The following RUFY3 variants were observed in gnomAD, a reference collection of about 807,000 sequenced individuals.
RUFY3 encodes the protein RUN and FYVE domain containing 3, also known as protein RUFY3.
A neutral mutation model predicts 84.0 loss-of-function variants in RUFY3; 34 were observed. The observed-to-expected ratio is 0.40, with a 90% CI of 0.31 to 0.54. The LOEUF is 0.54. Among genes scored for constraint, RUFY3 ranks in the 20% least tolerant of loss-of-function variants. The probability of loss-of-function intolerance (pLI) is 0.39; values close to 1 mark genes in which losing one functional copy is unlikely to be tolerated. For missense variants in RUFY3, 507 were observed against 736.8 expected, an observed-to-expected ratio of 0.69 and a Z score of 3.61; for synonymous variants, 242 against 252.9, an observed-to-expected ratio of 0.96 and a Z score of 0.41.
intron 17 of RUFY3, among the ~76,000 whole-genome samples, chr4:70,805,978 C>G (rs1192995339): frequency 1.3e-5 from 2 of 152,078 alleles, no homozygotes; most frequent in Non-Finnish European, 2.9e-5. Flanking sequence ...AAATAATTTC[C>G]CTATGAACAA....
intron 1 of RUFY3, among the ~76,000 whole-genome samples, chr4:70,714,366 C>T (rs1230450222): frequency 6.6e-6 from 1 of 152,172 alleles, no homozygotes; most frequent in Non-Finnish European, 1.5e-5. Flanking sequence ...ATGTAAAAAA[C>T]GCTGAATAGG....
At chr4:70,731,040 C>CTT (rs1321175989) in intron 1 of RUFY3, among the ~76,000 whole-genome samples, 45 of 141,474 alleles carry the variant, frequency 3.2e-4, no homozygotes, top group East Asian at 1.5e-3. Flanking sequence ...TGATTGCCAT[C>CTT]TTTTTTTTTT....
In RUFY3 at chr4:70,807,247, A is replaced by AAT. The variant is rs1395547457; in HGVS notation, c.*591_*592dup. 6.6e-6 allele frequency: 1 copy of AAT among 152,226 alleles called. No homozygotes were observed. The highest frequency in any genetic ancestry group is 1.5e-5 in the Non-Finnish European group (1 of 68,052). The allele number at this position is 152,226 out of a possible 1,614,324, so 9.4% of individuals were successfully genotyped here. ...CTGCATATATTAAAAACAATATTGT[A>AAT]ATATGTTATAATTTCAGGACCAGAA... On this transcript the variant is annotated 3_prime_UTR_variant, in exon 18 of 18. Transcript: ENST00000381006.
intron 1 of RUFY3, among the ~76,000 whole-genome samples, chr4:70,742,464 C>G (rs1721471569): frequency 6.6e-6 from 1 of 152,152 alleles, no homozygotes; most frequent in Admixed American, 6.5e-5. Context: ...CTACTTTGTT[C>G]CTGTGACATC....
chr4:70,755,840 A>G (rs1460236634), intron 1 of RUFY3, among the ~76,000 whole-genome samples: 1 of 151,938 alleles, frequency 6.6e-6, no homozygotes, highest in African/African-American at 2.4e-5. Context: ...AGTCCCAGCT[A>G]CTCAGGAGGC....
chr4:70,721,682 T>C (rs1000677307), upstream of RUFY3, among the ~76,000 whole-genome samples: 9 of 152,230 alleles, frequency 5.9e-5, no homozygotes, highest in African/African-American at 2.2e-4. Context: ...GTTAAATTAA[T>C]CTAACTGCCT....
In RUFY3 at chr4:70,722,297, A is replaced by G. The variant is rs181991153; in HGVS notation, c.-277A>G. The G allele has an allele frequency of 1.5e-4, 181 of 1,234,364 alleles. No individual in the cohort carries two copies. The highest frequency in any genetic ancestry group is 7.8e-4 in the Admixed American group (19 of 24,288). The allele number at this position is 1,234,364 out of a possible 1,614,324, so 76.5% of individuals were successfully genotyped here. A position where few individuals can be genotyped will look rare whatever the true frequency, so the allele number is the denominator to read the frequency against. ...GGCAGGGAAGGGAAGATAAAAGGAG[A>G]GGAAGCTGGGAGAAGACAAGCATCA... On this transcript the variant is annotated 5_prime_UTR_variant, in exon 1 of 18. Coordinates refer to ENST00000381006, the MANE Select transcript of RUFY3 (RefSeq NM_001037442.4).
chr4:70,789,678 A>G, intron 12 of RUFY3, 86 bp downstream of exon 12: 6 of 1,465,520 alleles, frequency 4.1e-6, no homozygotes, highest in Non-Finnish European at 5.4e-6. Context: ...CAAATAGAAA[A>G]TACATGAAAT....
At chr4:70,754,322 G>C (rs545371073) in intron 1 of RUFY3, among the ~76,000 whole-genome samples, 1 of 152,186 alleles carries the variant, frequency 6.6e-6, no homozygotes, top group Non-Finnish European at 1.5e-5. Flanking sequence ...CAAAGTGCTG[G>C]GATTACAGGT....
intron 8 of RUFY3, among the ~76,000 whole-genome samples, chr4:70,778,811 C>A (rs1328582849): frequency 6.6e-6 from 1 of 151,978 alleles, no homozygotes; most frequent in African/African-American, 2.4e-5. Flanking sequence ...AACTCCTGAC[C>A]TCAGGTGATC....
intron 1 of RUFY3, among the ~76,000 whole-genome samples, chr4:70,729,386 A>G (rs1303677357): frequency 6.6e-6 from 1 of 152,150 alleles, no homozygotes; most frequent in African/African-American, 2.4e-5. Flanking sequence ...CCTCCTGAGT[A>G]GCTGGGATTA....
intron 1 of RUFY3, among the ~76,000 whole-genome samples, chr4:70,739,080 CT>C (rs111822896): frequency 0.029 from 3,959 of 137,240 alleles, 116 homozygotes; most frequent in African/African-American, 0.078. Flanking sequence ...GGCTATTTGT[CT>C]TTTTTTTTTT....
chr4:70,781,016 A>G (rs555973553), intron 8 of RUFY3, among the ~76,000 whole-genome samples: 85 of 151,166 alleles, frequency 5.6e-4, no homozygotes, highest in African/African-American at 1.9e-3. Context: ...TGGGACATCA[A>G]GGTGGGTGGA....
chr4:70,721,888 G>A (rs1394438253), upstream of RUFY3: 3 of 1,230,864 alleles, frequency 2.4e-6, no homozygotes, highest in East Asian at 9.5e-5. Context: ...AGCATCAGCA[G>A]CATCTATAAA....
At chr4:70,750,888 G>A (rs1723027968) in intron 1 of RUFY3, among the ~76,000 whole-genome samples, 1 of 152,086 alleles carries the variant, frequency 6.6e-6, no homozygotes, top group Admixed American at 6.6e-5. Flanking sequence ...ATGTTTTCAA[G>A]GGTTATCCAT....
chr4:70,778,460 A>G (rs1393436804), intron 8 of RUFY3, 22 bp downstream of exon 8: 1 of 1,385,414 alleles, frequency 7.2e-7, no homozygotes, highest in Non-Finnish European at 1.0e-6. Context: ...AAATGCTTTG[A>G]TTGACTTATA....
chr4:70,730,385 A>G (rs1220217477), intron 1 of RUFY3, among the ~76,000 whole-genome samples: 1 of 152,078 alleles, frequency 6.6e-6, no homozygotes, highest in Non-Finnish European at 1.5e-5. Flanking sequence ...GTATTCTCTC[A>G]TTTAATTTTT....
At chr4:70,781,680 A>G (rs1447863803) in intron 8 of RUFY3, among the ~76,000 whole-genome samples, 1 of 152,208 alleles carries the variant, frequency 6.6e-6, no homozygotes, top group Non-Finnish European at 1.5e-5. Flanking sequence ...TTTTTAGGCC[A>G]CAGGATCTGA....
chr4:70,762,224 AG>A (rs1315383999), intron 1 of RUFY3, among the ~76,000 whole-genome samples: 2 of 152,214 alleles, frequency 1.3e-5, no homozygotes, highest in South Asian at 2.1e-4. Flanking sequence ...CAGAGACAGA[AG>A]GGTTACTTGA....
Sources: gnomAD v4.1 joint callset for allele counts (sites outside exome capture counted in the v4.1 genomes callset) on GRCh38, gnomAD v4.1.1 for gene constraint, MANE v1.5 for transcripts, NCBI Gene and HGNC (gene_info 2026-07-23, HGNC 2026-07-21) for gene names.